The following PRRC2B variants were observed in gnomAD, a reference collection of about 807,000 sequenced individuals.
The protein encoded by PRRC2B is protein PRRC2B.
PRRC2B carries 68 observed loss-of-function variants against 242.3 expected under a neutral mutation model. That is an observed-to-expected ratio of 0.28 (90% confidence interval 0.23 to 0.34). The LOEUF is 0.34. Among genes scored for constraint, PRRC2B ranks in the 10% least tolerant of loss-of-function variants. The pLI is 1.00. For missense variants in PRRC2B, 2,835 were observed against 2,954.8 expected (o/e 0.96, Z 0.94); for synonymous variants, 1,228 against 1,173.6 (o/e 1.05, Z -0.95).
At chr9:131,432,486 T>A (rs1432090952) in intron 2 of PRRC2B, 131 bp from the exon 3 acceptor site, 1 of 792,848 alleles carries the variant, frequency 1.3e-6, no homozygotes, top group East Asian at 2.6e-5. Context: ...ACTGCTGGTC[T>A]GCCCTTTGTT....
chr9:131,488,175 C>CA (rs1944080133), intron 28 of PRRC2B, 79 bp downstream of exon 28: 12 of 1,515,920 alleles, frequency 7.9e-6, no homozygotes, highest in Non-Finnish European at 9.7e-6. Context: ...ACCCGCCTCT[C>CA]AGTGTGTGCT....
At chr9:131,458,804 C>CTCT (rs1441887514) in intron 10 of PRRC2B, among the ~76,000 whole-genome samples, 15 of 152,164 alleles carry the variant, frequency 9.9e-5, no homozygotes, top group African/African-American at 3.6e-4. Context: ...CGCCCAGGCC[C>CTCT]TCTTATAATG....
chr9:131,449,138 C>T (rs1277419887), intron 9 of PRRC2B, among the ~76,000 whole-genome samples: 1 of 152,192 alleles, frequency 6.6e-6, no homozygotes, highest in Non-Finnish European at 1.5e-5. Context: ...TGTTCCAGTG[C>T]ATCAATATAC....
At chr9:131,439,698 G>C (rs891848883) in intron 5 of PRRC2B, among the ~76,000 whole-genome samples, 3 of 152,156 alleles carry the variant, frequency 2.0e-5, no homozygotes, top group African/African-American at 7.2e-5. Flanking sequence ...AGTCTCCAAC[G>C]GGAAATGACC....
chr9:131,472,494 T>TG (rs1189526230), intron 14 of PRRC2B, among the ~76,000 whole-genome samples: 137 of 146,718 alleles, frequency 9.3e-4, no homozygotes, highest in Non-Finnish European at 1.8e-3. Flanking sequence ...TTTTTTTTTT[T>TG]GAGACAGAGT....
In PRRC2B at chr9:131,477,762, G is replaced by T; in HGVS notation, c.4425G>T (p.Leu1475Phe). Reference sequence around the variant, plus strand: ...CTTACAGATCCCCAGACGAGGCCTTGCCTGGAGGTCTTAGTGGCTGCAGCA... The same window carrying T: ...CTTACAGATCCCCAGACGAGGCCTTTCCTGGAGGTCTTAGTGGCTGCAGCA... Reference protein sequence around the residue: ...LKVKRSPDEALPGGLSGCSSG... With the variant: ...LKVKRSPDEAFPGGLSGCSSG... The change falls in exon 17 of 32, where the codon TTG (leucine) becomes TTT (phenylalanine). Residue 1475 changes from leucine to phenylalanine, a missense_variant. By Grantham distance (22) the Leu-to-Phe change is conservative. Around this residue, in one of 7 missense-constraint regions of PRRC2B, gnomAD observed 1,536 missense variants for 1,483.1 expected, o/e 1.04. Coordinates refer to ENST00000683519, the MANE Select transcript of PRRC2B (RefSeq NM_013318.4). 4 of 1,607,754 alleles carry T rather than the reference G, an allele frequency of 2.5e-6. No homozygotes were observed. Among genetic ancestry groups the T allele is most frequent in the South Asian group, 1.1e-5 (1 of 90,910 alleles).
chr9:131,443,139 A>T (rs796351039), intron 5 of PRRC2B, among the ~76,000 whole-genome samples: 15 of 142,682 alleles, frequency 1.1e-4, no homozygotes, highest in African/African-American at 3.9e-4. Context: ...TTATTTTATT[A>T]TTTTTTTTTT....
chr9:131,426,604 G>A (rs1837983441), intron 1 of PRRC2B, among the ~76,000 whole-genome samples: 1 of 152,060 alleles, frequency 6.6e-6, no homozygotes, highest in Non-Finnish European at 1.5e-5. Flanking sequence ...CAGGTCATGG[G>A]CACCGCAGTC....
In PRRC2B at chr9:131,474,533, G is replaced by A. The variant is rs781431550; in HGVS notation, c.2404G>A (p.Glu802Lys). Residue 802 changes from glutamate (E) to lysine (K), a missense_variant, in exon 16 of 32, where the codon GAG becomes AAG. Around this residue, in one of 7 missense-constraint regions of PRRC2B, gnomAD observed 1,536 missense variants for 1,483.1 expected, o/e 1.04. Transcript: ENST00000683519. ...AQRDLFEERG[E>K]EYLSAFDKKA... ...GCGCGATCTCTTTGAGGAGAGAGGG[G>A]AGGAGTACTTGAGTGCTTTTGACAA... 5.0e-6 allele frequency: 8 copies of A among 1,614,010 alleles called. No homozygotes were observed. The highest frequency in any genetic ancestry group is 1.3e-5 in the African/African-American group (1 of 75,040).
chr9:131,462,557 T>C (rs9722865), intron 11 of PRRC2B, among the ~76,000 whole-genome samples: 147,034 of 151,652 alleles, frequency 0.97, 71,431 homozygotes, highest in East Asian at 1. Flanking sequence ...ATTCTCAATT[T>C]GGCCAGCCGC....
rs201513306 is a variant in PRRC2B, at chr9:131,475,322, C to T, written c.3193C>T (p.Arg1065Trp). The change falls in exon 16 of 32, where the codon CGG becomes TGG. Residue 1065 changes from arginine to tryptophan, a missense_variant. Around this residue, in one of 7 missense-constraint regions of PRRC2B, gnomAD observed 1,536 missense variants for 1,483.1 expected, o/e 1.04. Coordinates refer to ENST00000683519, the MANE Select transcript of PRRC2B (RefSeq NM_013318.4). ...AGCCTTTGGGGTCAGAGGACAGGCC[C>T]GGGGCCGGGGCCGTGGTTTCAGAGA... ...EQAFGVRGQA[R>W]GRGRGFREFT... 1.9e-4 allele frequency: 305 copies of T among 1,593,838 alleles called. No individual in the cohort carries two copies. Among genetic ancestry groups the T allele is most frequent in the Non-Finnish European group, 2.4e-4 (280 of 1,171,324 alleles).
At chr9:131,425,100 T>C (rs1837943246) in intron 1 of PRRC2B, among the ~76,000 whole-genome samples, 4 of 152,030 alleles carry the variant, frequency 2.6e-5, no homozygotes, top group Admixed American at 2.6e-4. Context: ...ATTCTCCTGC[T>C]TTAGCCTCCC....
At position 131,498,072 on chromosome 9, in the gene PRRC2B, GT is replaced by G. The variant is rs1210724599; in HGVS notation, c.*2200del. On this transcript the variant is annotated 3_prime_UTR_variant, in exon 32 of 32. Coordinates refer to ENST00000683519, the MANE Select transcript of PRRC2B (RefSeq NM_013318.4). ...GTCAAAAGAAAGCCTTCTGGATGCTGTTAAGATGTACCCTTCAGGTGAACCT... is the reference window on the plus strand; with the variant it reads ...GTCAAAAGAAAGCCTTCTGGATGCTGTAAGATGTACCCTTCAGGTGAACCT... The G allele has an allele frequency of 6.6e-6, 1 of 152,198 alleles. No individual in the cohort carries two copies. Among genetic ancestry groups the G allele is most frequent in the African/African-American group, 2.4e-5 (1 of 41,434 alleles). The allele number at this position is 152,198 out of a possible 1,614,324, so 9.4% of individuals were successfully genotyped here.
intron 23 of PRRC2B, 122 bp from the exon 24 acceptor site, chr9:131,484,564 T>G (rs1943960398): frequency 8.1e-6 from 6 of 736,554 alleles, no homozygotes. Flanking sequence ...TGGATGGGTT[T>G]GGGCAAGTCA....
chr9:131,414,757 A>G (rs1837600502), intron 1 of PRRC2B, among the ~76,000 whole-genome samples: 1 of 151,700 alleles, frequency 6.6e-6, no homozygotes, highest in African/African-American at 2.4e-5. Flanking sequence ...TTTAGTAGAG[A>G]TGGGGTTTCA....
intron 2 of PRRC2B, among the ~76,000 whole-genome samples, chr9:131,430,561 A>ATATGTGTGTGTGTGTGTGTG: frequency 8.4e-6 from 1 of 118,814 alleles, no homozygotes; most frequent in South Asian, 3.2e-4. Flanking sequence ...GTGTGTGTGT[A>ATATGTGTGTGTGTGTGTGTG]TGTGTGTGTG....
At chr9:131,490,634 C>T (rs1482452121) in intron 28 of PRRC2B, 2 of 518,244 alleles carry the variant, frequency 3.9e-6, no homozygotes, top group East Asian at 5.5e-5. Flanking sequence ...TCTGGGCCCA[C>T]ATCCCCACCT....
chr9:131,416,340 C>G (rs1026366095), intron 1 of PRRC2B, among the ~76,000 whole-genome samples: 3 of 152,106 alleles, frequency 2.0e-5, no homozygotes, highest in Non-Finnish European at 4.4e-5. Context: ...AACCCCTGAC[C>G]TCATGATCTG....
intron 1 of PRRC2B, among the ~76,000 whole-genome samples, chr9:131,404,017 G>A (rs1257346450): frequency 6.6e-6 from 1 of 151,978 alleles, no homozygotes; most frequent in Non-Finnish European, 1.5e-5. Context: ...CTGGCCTCAA[G>A]CTGTCTTCCC....
Sources: gnomAD v4.1 joint callset for allele counts (sites outside exome capture counted in the v4.1 genomes callset) on GRCh38, gnomAD v4.1.1 for gene constraint, gnomAD v4.1.1 regional missense constraint, MANE v1.5 for transcripts, NCBI Gene and HGNC (gene_info 2026-07-23, HGNC 2026-07-21) for gene names.